The following SIAH2 variants were observed in gnomAD, a reference collection of about 807,000 sequenced individuals.
SIAH2 encodes the protein siah E3 ubiquitin protein ligase 2.
SIAH2 carries 4 observed loss-of-function variants against 20.4 expected under a neutral mutation model. That is an observed-to-expected ratio of 0.20 (90% CI 0.10 to 0.45). The LOEUF (loss-of-function observed/expected upper bound fraction) is 0.45. Ranked by LOEUF, SIAH2 falls within the 20% of genes least tolerant of loss-of-function variation. The pLI is 0.99. For synonymous variants in SIAH2, 171 were observed against 192.5 expected (o/e 0.89, Z 0.93); for missense variants, 259 against 440.3 (o/e 0.59, Z 3.69).
At chr3:150,747,940 G>T (rs1234319687) in intron 1 of SIAH2, among the ~76,000 whole-genome samples, 1 of 140,210 alleles carries the variant, frequency 7.1e-6, no homozygotes, top group Admixed American at 7.3e-5. Context: ...CTCCAGTCTG[G>T]GCAACAGGAG....
intron 1 of SIAH2, among the ~76,000 whole-genome samples, chr3:150,743,476 C>T (rs1714144202): frequency 6.6e-6 from 1 of 152,174 alleles, no homozygotes; most frequent in Non-Finnish European, 1.5e-5. Context: ...CCTCTCAAAG[C>T]TTGCTGACCC....
intron 1 of SIAH2, among the ~76,000 whole-genome samples, chr3:150,754,390 C>T (rs1714436431): frequency 6.6e-6 from 1 of 152,114 alleles, no homozygotes; most frequent in Non-Finnish European, 1.5e-5. Flanking sequence ...AACCAGATCT[C>T]ATAAGACTCA....
intron 1 of SIAH2, among the ~76,000 whole-genome samples, chr3:150,747,292 A>G (rs1274741727): frequency 1.3e-5 from 2 of 152,222 alleles, no homozygotes; most frequent in East Asian, 3.8e-4. Context: ...ATCAGTAACC[A>G]GCCATTAGGC....
intron 1 of SIAH2, among the ~76,000 whole-genome samples, chr3:150,760,559 A>G (rs1714583591): frequency 6.6e-6 from 1 of 152,260 alleles, no homozygotes; most frequent in Non-Finnish European, 1.5e-5. Context: ...CATGCTCCAT[A>G]TAGCATAACT....
At chr3:150,743,032 T>C (rs1054802697) in intron 1 of SIAH2, among the ~76,000 whole-genome samples, 1 of 152,248 alleles carries the variant, frequency 6.6e-6, no homozygotes, top group African/African-American at 2.4e-5. Context: ...CTTCCCCATA[T>C]TTTCTGTGAA....
intron 1 of SIAH2, among the ~76,000 whole-genome samples, chr3:150,743,174 T>G (rs1405684838): frequency 6.6e-6 from 1 of 152,248 alleles, no homozygotes; most frequent in African/African-American, 2.4e-5. Flanking sequence ...CCCCCTCCAC[T>G]GCTTTCTGGC....
At chr3:150,758,795 T>C (rs1011332566) in intron 1 of SIAH2, among the ~76,000 whole-genome samples, 2 of 150,730 alleles carry the variant, frequency 1.3e-5, no homozygotes, top group Non-Finnish European at 2.9e-5. Context: ...CAGGCTGGAA[T>C]GCAATGACGT....
At chr3:150,752,533 C>T (rs1486611697) in intron 1 of SIAH2, among the ~76,000 whole-genome samples, 8 of 152,034 alleles carry the variant, frequency 5.3e-5, no homozygotes, top group African/African-American at 1.2e-4. Context: ...CACTTGAACC[C>T]GGGCGGCAGA....
intron 1 of SIAH2, among the ~76,000 whole-genome samples, chr3:150,756,420 G>A (rs2108124152): frequency 6.6e-6 from 1 of 152,306 alleles, no homozygotes; most frequent in South Asian, 2.1e-4. Flanking sequence ...TTTGTCAGAA[G>A]CAAAATCTGA....
intron 1 of SIAH2, among the ~76,000 whole-genome samples, chr3:150,753,221 G>A (rs79707310): frequency 0.04 from 6,144 of 152,264 alleles, 200 homozygotes; most frequent in Non-Finnish European, 0.054. Flanking sequence ...TCAGAAAGAC[G>A]AGAGGGGTGA....
At chr3:150,749,368 T>C (rs1349981818) in intron 1 of SIAH2, among the ~76,000 whole-genome samples, 1 of 150,382 alleles carries the variant, frequency 6.6e-6, no homozygotes, top group African/African-American at 2.4e-5. Flanking sequence ...AGCCAGGCCT[T>C]GTGGTGCACA....
At position 150,742,096 on chromosome 3, in the gene SIAH2, T is replaced by TA; in HGVS notation, c.*44dup. On this transcript the variant is annotated 3_prime_UTR_variant, in exon 2 of 2. Coordinates refer to ENST00000312960, the MANE Select transcript of SIAH2 (RefSeq NM_005067.7). The surrounding 1 kb of genome is among the most constrained non-coding windows in gnomAD (Gnocchi z 4.8). The stretch of plus-strand genomic sequence containing the variant: ...CATCTATAAAAACCTTTATTAAACA[T>TA]AGAGCACTATGCCCAAATAATTTTG... 4 of 1,524,816 alleles carry TA rather than the reference T, an allele frequency of 2.6e-6. No homozygotes were observed. The highest frequency in any genetic ancestry group is 3.6e-6 in the Non-Finnish European group (4 of 1,120,270). The allele number at this position is 1,524,816 out of a possible 1,614,324, so 94.5% of individuals were successfully genotyped here. A position where few individuals can be genotyped will look rare whatever the true frequency, so the allele number is the denominator to read the frequency against.
At chr3:150,747,312 C>T (rs1449988362) in intron 1 of SIAH2, among the ~76,000 whole-genome samples, 1 of 152,236 alleles carries the variant, frequency 6.6e-6, no homozygotes, top group Non-Finnish European at 1.5e-5. Flanking sequence ...CCCTCCCAGC[C>T]TTCTCTGGGA....
Position 150,762,047 on chromosome 3 carries a change from T to TAA in SIAH2, c.417+385_417+386insTT. 4.3e-6 allele frequency: 1 copy of TAA among 233,492 alleles called. No homozygotes were observed. The highest frequency in any genetic ancestry group is 8.5e-6 in the Non-Finnish European group (1 of 117,160). 14.5% of individuals were successfully genotyped at this position (233,492 alleles called of 1,614,324 possible). On this transcript the variant is annotated intron_variant, in intron 1 of 1. Coordinates refer to ENST00000312960, the MANE Select transcript of SIAH2 (RefSeq NM_005067.7). This position sits in a 1 kb window ranked among gnomAD's most constrained non-coding sequence, Gnocchi z 6.6. Reference sequence around the variant, plus strand: ...GCCCAGCGCTGGTAAAGGGGGCGTTTAGCTCGCCCGTTTCCTCCCTCCTCA... The same window carrying TAA: ...GCCCAGCGCTGGTAAAGGGGGCGTTTAAAGCTCGCCCGTTTCCTCCCTCCTCA...
At chr3:150,744,413 C>T (rs1325946766) in intron 1 of SIAH2, among the ~76,000 whole-genome samples, 1 of 152,166 alleles carries the variant, frequency 6.6e-6, no homozygotes, top group Non-Finnish European at 1.5e-5. Context: ...AAACTCTGAA[C>T]TAATTTCTAA....
Position 150,762,266 on chromosome 3 carries a change from C to G in SIAH2, c.417+167G>C. 1 of 1,363,688 alleles carries G rather than the reference C, an allele frequency of 7.3e-7. No homozygotes were observed. Among genetic ancestry groups the G allele is most frequent in the Non-Finnish European group, 9.7e-7 (1 of 1,033,084 alleles). The allele number at this position is 1,363,688 out of a possible 1,614,324, so 84.5% of individuals were successfully genotyped here. A position where few individuals can be genotyped will look rare whatever the true frequency, so the allele number is the denominator to read the frequency against. On this transcript the variant is annotated intron_variant, in intron 1 of 1. Transcript: ENST00000312960. The surrounding 1 kb of genome is among the most constrained non-coding windows in gnomAD (Gnocchi z 6.6). ...TTACTCGGTAAATGTCAACCCAGAC[C>G]TACACCCAAAGTGGGCTTGAGGGAG...
At chr3:150,760,613 T>G (rs1714585124) in intron 1 of SIAH2, among the ~76,000 whole-genome samples, 1 of 152,234 alleles carries the variant, frequency 6.6e-6, no homozygotes, top group Non-Finnish European at 1.5e-5. Context: ...TCTATTATGG[T>G]TACATTTTAA....
chr3:150,744,441 A>G (rs529453027), intron 1 of SIAH2, among the ~76,000 whole-genome samples: 126 of 152,324 alleles, frequency 8.3e-4, no homozygotes, highest in African/African-American at 2.9e-3. Context: ...CTGTAAAAAA[A>G]CTCACTCAGG....
chr3:150,757,696 C>T (rs755554825), intron 1 of SIAH2, among the ~76,000 whole-genome samples: 15 of 151,894 alleles, frequency 9.9e-5, no homozygotes, highest in Non-Finnish European at 2.1e-4. Flanking sequence ...AAAAAAAAAT[C>T]CAGGCTGGGC....
Sources: allele counts gnomAD v4.1 joint callset (sites outside exome capture counted in the v4.1 genomes callset), GRCh38; gene constraint gnomAD v4.1.1; non-coding constraint Gnocchi (gnomAD v3.1); transcripts MANE v1.5; gene names NCBI Gene and HGNC (gene_info 2026-07-23, HGNC 2026-07-21).